Variants in ITFG2 observed in about 807,000 individuals in gnomAD.
ITFG2 encodes integrin alpha FG-GAP repeat containing 2, also known as KICSTOR complex protein ITFG2.
ITFG2 carries 36 observed loss-of-function variants against 54.4 expected under a neutral mutation model. The ratio of observed to expected loss-of-function variants is 0.66; its 90% CI spans 0.51 to 0.87. The LOEUF (loss-of-function observed/expected upper bound fraction) is 0.87, where lower values mean the gene tolerates loss of function less well. Ranked by LOEUF, ITFG2 falls within the 40% of genes least tolerant of loss-of-function variation. The probability of loss-of-function intolerance (pLI) is 0.00; values close to 1 mark genes in which losing one functional copy is unlikely to be tolerated. For missense variants in ITFG2, 524 were observed against 576.7 expected (o/e 0.91, Z 0.94); for synonymous variants, 211 against 225.4 (o/e 0.94, Z 0.57).
At chr12:2,822,758 C>T (rs2097949751) in intron 9 of ITFG2, 36 bp from the exon 10 acceptor site, 3 of 1,561,940 alleles carry the variant, frequency 1.9e-6, no homozygotes, top group Non-Finnish European at 2.6e-6. Context: ...CAGTCCACAG[C>T]TCCTTTATGT....
At chr12:2,842,970 A>C (rs369313526) in intron 2 of ITFG2, among the ~76,000 whole-genome samples, 2 of 152,140 alleles carry the variant, frequency 1.3e-5, no homozygotes, top group East Asian at 3.9e-4. Flanking sequence ...ATAGCCGTTC[A>C]TGCCTTCAGA....
chr12:2,827,875 A>T, downstream of ITFG2: 1 of 1,612,520 alleles, frequency 6.2e-7, no homozygotes, highest in Non-Finnish European at 8.5e-7. The surrounding 1 kb of genome is among the most constrained non-coding windows in gnomAD (Gnocchi z 4.0). Context: ...GCCCCACCCC[A>T]AAGAGAAAGG....
At chr12:2,854,313 C>T (rs578202726) in intron 2 of ITFG2, among the ~76,000 whole-genome samples, 25 of 152,364 alleles carry the variant, frequency 1.6e-4, no homozygotes, top group African/African-American at 4.8e-4. Flanking sequence ...GCGTGAGCCA[C>T]CACGCCCTGC....
Position 2,820,163 on chromosome 12 carries a change from G to T in ITFG2, c.484G>T (p.Glu162Ter). 2 of 1,614,020 alleles carry T rather than the reference G, an allele frequency of 1.2e-6. No homozygotes were observed. Among genetic ancestry groups the T allele is most frequent in the Non-Finnish European group, 1.7e-6 (2 of 1,179,948 alleles). The part of the protein sequence containing the change: ...VRAFRWEELG[E>*]GPEHLTGQLV... ...AGCTTTCCGCTGGGAGGAGCTAGGT[G>T]AGGGTCCTGAACATCTGACAGGGCA... Residue 162 changes from glutamate to a stop codon, truncating the protein, a stop_gained, in exon 5 of 12, where the codon GAG becomes TAG. Transcript: ENST00000228799. LOFTEE classifies it high-confidence loss of function.
upstream of ITFG2, among the ~76,000 whole-genome samples, chr12:2,834,409 G>A (rs2098018006): frequency 6.6e-6 from 1 of 152,138 alleles, no homozygotes; most frequent in Non-Finnish European, 1.5e-5. Context: ...GGGGCCATTA[G>A]AGGAAAAAGG....
intron 1 of ITFG2, among the ~76,000 whole-genome samples, chr12:2,837,888 G>A (rs1479504515): frequency 6.6e-6 from 1 of 152,160 alleles, no homozygotes; most frequent in Admixed American, 6.5e-5. Flanking sequence ...AGCAGAGCAG[G>A]TGGTCCAGTC....
intron 2 of ITFG2, among the ~76,000 whole-genome samples, chr12:2,855,996 T>A (rs2098086125): frequency 6.6e-6 from 1 of 152,098 alleles, no homozygotes; most frequent in Admixed American, 6.6e-5. Flanking sequence ...ATTAAAACGC[T>A]AGTATAGAAA....
At chr12:2,819,091 G>A (rs904722778) in intron 4 of ITFG2, among the ~76,000 whole-genome samples, 3 of 152,104 alleles carry the variant, frequency 2.0e-5, no homozygotes, top group African/African-American at 7.2e-5. Context: ...CACTTTGAGA[G>A]GCTAAGGCAG....
intron 3 of ITFG2, chr12:2,858,880 G>C (rs2098099704): frequency 6.2e-7 from 1 of 1,614,010 alleles, no homozygotes; most frequent in African/African-American, 1.3e-5. Flanking sequence ...ACGGAGATGA[G>C]GTCTAAGGGT....
rs770430549 is a variant in ITFG2, at chr12:2,821,342, T to C, written c.776T>C (p.Ile259Thr). 29 of 1,608,472 alleles carry C rather than the reference T, an allele frequency of 1.8e-5. No homozygotes were observed. The highest frequency in any genetic ancestry group is 1.3e-4 in the East Asian group (6 of 44,796). ...AACAAGAATGTCTCCACTCACCTAATTGGCAACATCAAACAAGGTGAAAGT... is the reference window on the plus strand; with the variant it reads ...AACAAGAATGTCTCCACTCACCTAACTGGCAACATCAAACAAGGTGAAAGT... ...IHNKNVSTHL[I>T]GNIKQGHGTE... The change falls in exon 7 of 12, where the codon ATT becomes ACT. Residue 259 changes from isoleucine to threonine, a missense_variant. Coordinates refer to ENST00000228799, the MANE Select transcript of ITFG2 (RefSeq NM_018463.4).
chr12:2,832,561 C>G (rs10848710), upstream of ITFG2, among the ~76,000 whole-genome samples: 22,984 of 151,656 alleles, frequency 0.15, 1,871 homozygotes, highest in South Asian at 0.33. Context: ...GATGTACCCT[C>G]TCCAGGATAC....
Position 2,820,078 on chromosome 12 carries a change from GC to G in ITFG2, c.407-5del, listed in dbSNP as rs752980685. On this transcript the variant is annotated splice_polypyrimidine_tract_variant and splice_region_variant and intron_variant, in intron 4 of 11. Coordinates refer to ENST00000228799, the MANE Select transcript of ITFG2 (RefSeq NM_018463.4). ...CTCCAGAGCCCATCTTGTCTTTCAT[GC>G]CCACAGATGGAGATGGGTGTCGTGA... is the stretch of plus-strand genomic sequence containing the variant. 10 of 1,600,792 alleles carry G rather than the reference GC, an allele frequency of 6.2e-6. No individual in the cohort carries two copies. The African/African-American group carries it at 1.3e-4, about 21-fold the overall frequency.
At chr12:2,846,196 G>A (rs2098052976) in intron 2 of ITFG2, among the ~76,000 whole-genome samples, 2 of 152,232 alleles carry the variant, frequency 1.3e-5, no homozygotes, top group Non-Finnish European at 1.5e-5. Context: ...CTGGAAGGTG[G>A]TGGGGCGGGG....
chr12:2,858,463 CAAGGTCCCAG>C, intron 3 of ITFG2: 2 of 591,700 alleles, frequency 3.4e-6, no homozygotes, highest in Non-Finnish European at 5.9e-6. Flanking sequence ...TTGGGGAACA[CAAGGTCCCAG>C]CAGTGGCTAG....
chr12:2,837,185 T>A (rs564526246), intron 1 of ITFG2, among the ~76,000 whole-genome samples: 20 of 152,016 alleles, frequency 1.3e-4, no homozygotes, highest in African/African-American at 4.6e-4. Flanking sequence ...TGCAAAAAAT[T>A]AGCTGGGCAT....
chr12:2,857,014 G>C (rs746236199), intron 2 of ITFG2: 6 of 702,862 alleles, frequency 8.5e-6, no homozygotes, highest in Non-Finnish European at 1.6e-5. Context: ...GATCTTTGCC[G>C]GTTACTGGCC....
intron 4 of ITFG2, chr12:2,819,823 C>T (rs114769357): frequency 1.4e-4 from 44 of 305,364 alleles, no homozygotes; most frequent in Middle Eastern, 9.3e-4. Context: ...GTGGGAGATA[C>T]GTGGGATGAA....
intron 1 of ITFG2, 152 bp downstream of exon 1, chr12:2,813,008 T>A (rs1481948704): frequency 1.7e-6 from 1 of 588,832 alleles, no homozygotes; most frequent in African/African-American, 1.8e-5. Flanking sequence ...ATTGATAGCT[T>A]CAGTGTTCGT....
At chr12:2,817,855 A>G in intron 2 of ITFG2, 54 bp from the exon 3 acceptor site, 1 of 1,549,086 alleles carries the variant, frequency 6.5e-7, no homozygotes, top group Non-Finnish European at 8.8e-7. Context: ...CACAGAGATC[A>G]GGGAGTACTG....
Sources: allele counts gnomAD v4.1 joint callset (sites outside exome capture counted in the v4.1 genomes callset), GRCh38; gene constraint gnomAD v4.1.1; non-coding constraint Gnocchi (gnomAD v3.1); transcripts MANE v1.5; gene names NCBI Gene and HGNC (gene_info 2026-07-23, HGNC 2026-07-21).